Variants in PRKN observed in about 807,000 individuals in gnomAD.
PRKN encodes the protein E3 ubiquitin-protein ligase parkin.
In PRKN, 56 loss-of-function variants were observed where a neutral mutation model predicts 59.5. The ratio of observed to expected loss-of-function variants is 0.94; its 90% CI spans 0.76 to 1.18. The LOEUF (loss-of-function observed/expected upper bound fraction) is 1.18. Ranked by LOEUF, PRKN falls within the 50% of genes most tolerant of loss-of-function variation. The pLI, the probability that PRKN is intolerant of heterozygous loss-of-function variation, is 0.00. For synonymous variants in PRKN, 250 were observed against 222.1 expected, an observed-to-expected ratio of 1.13 and a Z score of -1.12; for missense variants, 657 against 596.4, an observed-to-expected ratio of 1.10 and a Z score of -1.06.
In PRKN at chr6:161,902,718, G is replaced by A. The variant is rs537879735; in HGVS notation, c.734+70584C>T. 3.9e-5 allele frequency among the ~76,000 whole-genome samples: 6 copies of A among 151,900 alleles called. No homozygotes were observed. The South Asian group carries it at 6.3e-4, about 16-fold the overall frequency. ...TGGGATTACAGGAGCCTGCCACCAC[G>A]CCTAATTTTTGTAATTTGAGTAGAG... On this transcript the variant is annotated intron_variant, in intron 6 of 11. Transcript: ENST00000366898.
intron 2 of PRKN, among the ~76,000 whole-genome samples, chr6:162,404,324 C>T (rs986777338): frequency 8.7e-5 from 13 of 148,986 alleles, no homozygotes; most frequent in Admixed American, 5.4e-4. Flanking sequence ...GAGCCGAGAT[C>T]GCACGATTGC....
chr6:161,501,963 G>A (rs182782066), intron 9 of PRKN, among the ~76,000 whole-genome samples: 14 of 152,252 alleles, frequency 9.2e-5, no homozygotes, highest in African/African-American at 3.4e-4. Flanking sequence ...ATAACACTAC[G>A]TTTCTAAGAT....
intron 6 of PRKN, among the ~76,000 whole-genome samples, chr6:161,830,826 G>A (rs1792467833): frequency 6.6e-6 from 1 of 152,060 alleles, no homozygotes; most frequent in East Asian, 1.9e-4. Flanking sequence ...TCCTTAGCAT[G>A]GGATTCTGTT....
At chr6:161,759,547 A>G (rs1789103661) in intron 7 of PRKN, among the ~76,000 whole-genome samples, 1 of 152,186 alleles carries the variant, frequency 6.6e-6, no homozygotes, top group South Asian at 2.1e-4. Context: ...ATAAAGCTGA[A>G]TGGCATGACA....
In PRKN at chr6:161,678,568, ATTTTTT is replaced by A. The variant is rs201640028; in HGVS notation, c.871+107198_871+107203del. 4.1e-5 allele frequency among the ~76,000 whole-genome samples: 5 copies of A among 121,448 alleles called. No individual in the cohort carries two copies. The East Asian group carries it at 1.1e-3, about 28-fold the overall frequency. 79.7% of individuals were successfully genotyped at this position (121,448 alleles called of 152,430 possible). A position where few individuals can be genotyped will look rare whatever the true frequency, so the allele number is the denominator to read the frequency against. ...AATTCCACTCTTATTTTGGTGCCTG[ATTTTTT>A]TTTTTTTTTTTTTTTGAGACAGAGT... On this transcript the variant is annotated intron_variant, in intron 7 of 11. Transcript: ENST00000366898.
intron 8 of PRKN, among the ~76,000 whole-genome samples, chr6:161,555,157 T>G (rs1780187882): frequency 1.3e-5 from 2 of 152,168 alleles, no homozygotes; most frequent in Admixed American, 1.3e-4. Context: ...CTTATTTGTG[T>G]TTTTTAGAAT....
intron 5 of PRKN, among the ~76,000 whole-genome samples, chr6:161,981,341 G>A (rs1426254967): frequency 1.3e-4 from 20 of 152,064 alleles, no homozygotes; most frequent in Admixed American, 9.8e-4. Flanking sequence ...TCCATGCAGA[G>A]GTTTCATTAT....
rs1480897252 is a variant in PRKN, at chr6:161,670,895, C to T, written c.872-101479G>A. On this transcript the variant is annotated intron_variant, in intron 7 of 11. Coordinates refer to ENST00000366898, the MANE Select transcript of PRKN (RefSeq NM_004562.3). The stretch of plus-strand genomic sequence containing the variant: ...CAAATCCAGTATGACCTTATCTTAC[C>T]CTGATTACACCTGCACAGACTCTAT... Among the ~76,000 whole-genome samples, 5 of 152,076 alleles carry T rather than the reference C, an allele frequency of 3.3e-5. No individual in the cohort carries two copies. In the South Asian group the frequency reaches 8.3e-4, roughly 25 times the overall value.
chr6:162,577,662 G>A (rs1369715281), intron 1 of PRKN, among the ~76,000 whole-genome samples: 1 of 151,820 alleles, frequency 6.6e-6, no homozygotes, highest in East Asian at 1.9e-4. Context: ...CAGGCACAGT[G>A]GCTCACCTAT....
At chr6:162,136,257 A>G (rs2128309348) in intron 4 of PRKN, among the ~76,000 whole-genome samples, 1 of 152,238 alleles carries the variant, frequency 6.6e-6, no homozygotes, top group Middle Eastern at 3.4e-3. Flanking sequence ...AGGAACATCC[A>G]GGAAAAACTT....
chr6:161,685,266 G>C (rs1313741798), intron 7 of PRKN, among the ~76,000 whole-genome samples: 1 of 152,094 alleles, frequency 6.6e-6, no homozygotes, highest in Admixed American at 6.5e-5. Flanking sequence ...ATTCTCATCG[G>C]CCACAAACGT....
intron 2 of PRKN, among the ~76,000 whole-genome samples, chr6:162,391,803 C>T (rs1219537501): frequency 6.6e-6 from 1 of 152,172 alleles, no homozygotes; most frequent in African/African-American, 2.4e-5. Context: ...TAGCAAGTTT[C>T]ACACTTTTTT....
intron 1 of PRKN, among the ~76,000 whole-genome samples, chr6:162,677,260 G>A (rs796118716): frequency 2.0e-5 from 3 of 151,786 alleles, no homozygotes; most frequent in African/African-American, 4.8e-5. Flanking sequence ...AGCCAATGAC[G>A]ACAGGTAAAA....
intron 9 of PRKN, among the ~76,000 whole-genome samples, chr6:161,504,683 C>A (rs544885210): frequency 2.5e-5 from 3 of 120,484 alleles, no homozygotes; most frequent in African/African-American, 3.1e-5. Flanking sequence ...CCTCCCCCCA[C>A]CCCACAACAG....
At chr6:161,699,488 T>C (rs1295100473) in intron 7 of PRKN, among the ~76,000 whole-genome samples, 1 of 152,096 alleles carries the variant, frequency 6.6e-6, no homozygotes, top group African/African-American at 2.4e-5. Context: ...TCCAAAAGAA[T>C]GAATAAAAAG....
At chr6:161,849,244 C>T (rs1039556025) in intron 6 of PRKN, among the ~76,000 whole-genome samples, 4 of 152,126 alleles carry the variant, frequency 2.6e-5, no homozygotes, top group African/African-American at 4.8e-5. Flanking sequence ...GCGTGACGGA[C>T]CCCCACGCCT....
At chr6:161,558,268 TA>T (rs1197887751) in intron 8 of PRKN, among the ~76,000 whole-genome samples, 1 of 151,910 alleles carries the variant, frequency 6.6e-6, no homozygotes, top group Non-Finnish European at 1.5e-5. Context: ...TCCCTTCTAT[TA>T]AAAAAAATTC....
Position 161,738,277 on chromosome 6 carries a change from A to G in PRKN, c.871+47495T>C, listed in dbSNP as rs371829597. 9.9e-5 allele frequency among the ~76,000 whole-genome samples: 15 copies of G among 152,202 alleles called. 1 individual carries two copies. The highest frequency in any genetic ancestry group is 3.6e-4 in the African/African-American group (15 of 41,548). ...TAATCCAGGGGAAAACACCTTTGTC[A>G]CTCGAAGGTGTATTCAAGCCAACAG... On this transcript the variant is annotated intron_variant, in intron 7 of 11. Transcript: ENST00000366898.
chr6:161,491,848 T>C (rs1777572631), intron 9 of PRKN, among the ~76,000 whole-genome samples: 1 of 152,114 alleles, frequency 6.6e-6, no homozygotes, highest in Non-Finnish European at 1.5e-5. Context: ...GCCAGGCTGG[T>C]CTCGAACTCC....
Sources: gnomAD v4.1 joint callset for allele counts (sites outside exome capture counted in the v4.1 genomes callset) on GRCh38, gnomAD v4.1.1 for gene constraint, MANE v1.5 for transcripts, NCBI Gene and HGNC (gene_info 2026-07-23, HGNC 2026-07-21) for gene names.